Variants in TBC1D5 observed in about 807,000 individuals in gnomAD.
TBC1D5 encodes TBC1 domain family, member 5.
A neutral mutation model predicts 100.3 loss-of-function variants in TBC1D5; 75 were observed. The ratio of observed to expected loss-of-function variants is 0.75; its 90% CI spans 0.62 to 0.91. The LOEUF (loss-of-function observed/expected upper bound fraction) is 0.91, where lower values mean the gene tolerates loss of function less well. Ranked by LOEUF, TBC1D5 falls within the 40% of genes least tolerant of loss-of-function variation. The pLI, the probability that TBC1D5 is intolerant of heterozygous loss-of-function variation, is 0.00. For missense variants in TBC1D5, 910 were observed against 942.4 expected, an observed-to-expected ratio of 0.97 and a Z score of 0.45; for synonymous variants, 323 against 325.6, an observed-to-expected ratio of 0.99 and a Z score of 0.09.
At chr3:17,536,379 T>C (rs903356787) in intron 2 of TBC1D5, among the ~76,000 whole-genome samples, 2 of 152,214 alleles carry the variant, frequency 1.3e-5, no homozygotes. Context: ...AAAATTTTTT[T>C]ATTGTGGTAA....
intron 2 of TBC1D5, among the ~76,000 whole-genome samples, chr3:17,598,213 C>T (rs1191306581): frequency 6.6e-6 from 1 of 152,142 alleles, no homozygotes. Context: ...TTCCCTTAAG[C>T]TTACATTAGT....
chr3:17,320,241 A>G (rs2085232760), intron 13 of TBC1D5, among the ~76,000 whole-genome samples: 1 of 152,242 alleles, frequency 6.6e-6, no homozygotes, highest in South Asian at 2.1e-4. Context: ...GGAATTTGGG[A>G]AAACTGTAAA....
At chr3:17,282,894 T>C (rs2080763610) in intron 15 of TBC1D5, among the ~76,000 whole-genome samples, 2 of 152,252 alleles carry the variant, frequency 1.3e-5, no homozygotes, top group African/African-American at 4.8e-5. Context: ...ACACATTTCA[T>C]GGACTTCTAA....
chr3:17,216,914 T>C (rs575659375), intron 17 of TBC1D5, among the ~76,000 whole-genome samples: 1 of 152,268 alleles, frequency 6.6e-6, no homozygotes, highest in African/African-American at 2.4e-5. Context: ...TTTAAAAGAA[T>C]ATAATTCAGT....
intron 2 of TBC1D5, chr3:17,586,542 G>A (rs1158335032): frequency 6.6e-6 from 1 of 152,022 alleles, no homozygotes; most frequent in Non-Finnish European, 1.5e-5. Context: ...TGAGCTGCTG[G>A]AAAAACAGCA....
At chr3:17,692,550 C>T (rs1404168362) in intron 1 of TBC1D5, among the ~76,000 whole-genome samples, 3 of 152,238 alleles carry the variant, frequency 2.0e-5, no homozygotes, top group African/African-American at 7.2e-5. Context: ...GAGGTCTAAA[C>T]AAAATACTTC....
intron 2 of TBC1D5, among the ~76,000 whole-genome samples, chr3:17,511,268 A>G (rs1460836293): frequency 6.6e-6 from 1 of 152,078 alleles, no homozygotes; most frequent in Non-Finnish European, 1.5e-5. Flanking sequence ...TATTCTTCAT[A>G]TATTTTGTTA....
chr3:17,456,615 G>T (rs905272148), intron 3 of TBC1D5, among the ~76,000 whole-genome samples: 6 of 152,168 alleles, frequency 3.9e-5, no homozygotes, highest in African/African-American at 1.4e-4. Context: ...TCTCACTCCA[G>T]TTAAAATGGC....
chr3:17,275,687 T>A (rs1052266595), intron 15 of TBC1D5, among the ~76,000 whole-genome samples: 3 of 152,074 alleles, frequency 2.0e-5, no homozygotes, highest in African/African-American at 7.2e-5. Context: ...TCTAATGAAA[T>A]AAGATGTCAA....
At chr3:17,357,085 T>G (rs1451284580) in intron 13 of TBC1D5, among the ~76,000 whole-genome samples, 1 of 152,178 alleles carries the variant, frequency 6.6e-6, no homozygotes, top group Admixed American at 6.5e-5. Flanking sequence ...CCATGTTTTA[T>G]TTTGCCTGCC....
At chr3:17,464,048 T>C (rs1287768213) in intron 3 of TBC1D5, among the ~76,000 whole-genome samples, 1 of 148,560 alleles carries the variant, frequency 6.7e-6, no homozygotes, top group Non-Finnish European at 1.5e-5. Flanking sequence ...ACCTCCCAGG[T>C]TCAAGTGATT....
intron 3 of TBC1D5, among the ~76,000 whole-genome samples, chr3:17,496,657 G>C (rs927629046): frequency 2.0e-5 from 3 of 152,098 alleles, no homozygotes; most frequent in African/African-American, 7.2e-5. Flanking sequence ...AAAATGTTGA[G>C]AATGGGGAAA....
At chr3:17,452,644 C>T (rs1311945632) in intron 3 of TBC1D5, among the ~76,000 whole-genome samples, 2 of 152,076 alleles carry the variant, frequency 1.3e-5, no homozygotes, top group Non-Finnish European at 2.9e-5. Context: ...GCATCCAGTA[C>T]TGAGCATCCA....
intron 18 of TBC1D5, 83 bp from the exon 20 acceptor site, chr3:17,185,291 G>C: frequency 9.0e-7 from 1 of 1,105,636 alleles, no homozygotes; most frequent in Non-Finnish European, 1.3e-6. Flanking sequence ...ATCTAGACTA[G>C]TTTAAAGAAG....
intron 18 of TBC1D5, among the ~76,000 whole-genome samples, chr3:17,185,960 C>A (rs190661767): frequency 3.6e-4 from 49 of 134,250 alleles, no homozygotes; most frequent in African/African-American, 1.5e-3. Flanking sequence ...GCCTTTTTTT[C>A]TTTTCTTTTT....
intron 20 of TBC1D5, 78 bp from the exon 22 acceptor site, chr3:17,167,006 T>C: frequency 7.5e-7 from 1 of 1,326,296 alleles, no homozygotes; most frequent in South Asian, 1.6e-5. Flanking sequence ...CTCTCAGACA[T>C]TTGAACTAGC....
chr3:17,350,894 G>A (rs532476995), intron 13 of TBC1D5, among the ~76,000 whole-genome samples: 3 of 152,078 alleles, frequency 2.0e-5, no homozygotes, highest in Non-Finnish European at 4.4e-5. Flanking sequence ...CAATCATGCA[G>A]TAACACCACA....
intron 14 of TBC1D5, among the ~76,000 whole-genome samples, chr3:17,298,389 G>A (rs115073434): frequency 0.011 from 1,643 of 152,268 alleles, 25 homozygotes; most frequent in African/African-American, 0.037. Flanking sequence ...TCCAGTGGAA[G>A]AGAAACATAA....
chr3:17,709,577 C>T (rs1319513201), intron 1 of TBC1D5, among the ~76,000 whole-genome samples: 1 of 152,120 alleles, frequency 6.6e-6, no homozygotes, highest in South Asian at 2.1e-4. Flanking sequence ...GTTTCTGTTA[C>T]TGGCATTCAA....
Sources: allele counts gnomAD v4.1 joint callset (sites outside exome capture counted in the v4.1 genomes callset), GRCh38; gene constraint gnomAD v4.1.1; transcripts MANE v1.5; gene names NCBI Gene and HGNC (gene_info 2026-07-23, HGNC 2026-07-21).